GNAO1: variants seen among roughly 807,000 people sequenced by gnomAD.
GNAO1 encodes the protein guanine nucleotide-binding protein G(o) subunit alpha.
For synonymous variants in GNAO1, 164 were observed against 180.7 expected, an observed-to-expected ratio of 0.91 and a Z score of 0.74; for missense variants, 166 against 478.7, an observed-to-expected ratio of 0.35 and a Z score of 6.10.
intron 2 of GNAO1, among the ~76,000 whole-genome samples, chr16:56,207,536 CTTAA>C (rs1361270970): frequency 6.6e-6 from 1 of 152,198 alleles, no homozygotes; most frequent in Non-Finnish European, 1.5e-5. Flanking sequence ...TCAGAACATT[CTTAA>C]TTGTTATCAA....
chr16:56,347,906 C>T (rs368488621), intron 6 of GNAO1: 41 of 927,564 alleles, frequency 4.4e-5, no homozygotes, highest in East Asian at 1.2e-4. Context: ...TGGCTCTGCC[C>T]GCCGTCCCCC....
At chr16:56,292,974 G>C (rs774317126) in intron 3 of GNAO1, among the ~76,000 whole-genome samples, 1 of 152,186 alleles carries the variant, frequency 6.6e-6, no homozygotes, top group Non-Finnish European at 1.5e-5. Context: ...GCTGGGGGTT[G>C]CCCTGTCCCA....
chr16:56,195,696 C>T (rs1234512209), intron 2 of GNAO1, among the ~76,000 whole-genome samples: 1 of 152,224 alleles, frequency 6.6e-6, no homozygotes, highest in African/African-American at 2.4e-5. Flanking sequence ...CCTGTGATAA[C>T]CCAGTGATTT....
chr16:56,255,981 A>T (rs372303249), intron 2 of GNAO1, among the ~76,000 whole-genome samples: 3 of 152,188 alleles, frequency 2.0e-5, no homozygotes, highest in East Asian at 1.9e-4. Flanking sequence ...TGTAGGGCTC[A>T]TGTGATGTTC....
chr16:56,272,897 C>G (rs1227317923), intron 2 of GNAO1, among the ~76,000 whole-genome samples: 1 of 152,170 alleles, frequency 6.6e-6, no homozygotes, highest in Non-Finnish European at 1.5e-5. Flanking sequence ...AAACTCAATG[C>G]ACTGGCTTCT....
chr16:56,206,298 C>T (rs1456178699), intron 2 of GNAO1, among the ~76,000 whole-genome samples: 9 of 138,320 alleles, frequency 6.5e-5, no homozygotes, highest in Admixed American at 5.5e-4. Flanking sequence ...CCAGCCTGGG[C>T]GACAGCGTGA....
chr16:56,321,908 A>G (rs1428510945), intron 3 of GNAO1, among the ~76,000 whole-genome samples: 1 of 152,240 alleles, frequency 6.6e-6, no homozygotes, highest in Non-Finnish European at 1.5e-5. Context: ...CATTCAGGCT[A>G]CCATAGCAGA....
chr16:56,332,143 G>A (rs750550424), intron 4 of GNAO1, among the ~76,000 whole-genome samples: 3 of 152,158 alleles, frequency 2.0e-5, no homozygotes. Context: ...TCTCATGGCA[G>A]CAACAGGGCC....
intron 2 of GNAO1, among the ~76,000 whole-genome samples, chr16:56,198,730 T>C (rs2036255567): frequency 2.6e-5 from 4 of 152,224 alleles, no homozygotes; most frequent in African/African-American, 9.6e-5. Context: ...ATGTTAGCTC[T>C]AGTTTTTATT....
At chr16:56,344,862 G>C (rs749926763) in intron 6 of GNAO1, 1 of 985,486 alleles carries the variant, frequency 1.0e-6, no homozygotes, top group African/African-American at 1.7e-5. Flanking sequence ...CTTTGGGCTG[G>C]GGATTCTGTG....
intron 3 of GNAO1, among the ~76,000 whole-genome samples, chr16:56,312,089 CT>C (rs1489704875): frequency 1.3e-5 from 2 of 152,250 alleles, no homozygotes; most frequent in Admixed American, 1.3e-4. Flanking sequence ...AGCTCTGCCC[CT>C]GGCTTGCTGA....
At chr16:56,202,671 A>G (rs2036291686) in intron 2 of GNAO1, among the ~76,000 whole-genome samples, 1 of 152,218 alleles carries the variant, frequency 6.6e-6, no homozygotes, top group Admixed American at 6.5e-5. Flanking sequence ...GAGAAATTCT[A>G]GGGCATAATG....
chr16:56,275,454 G>T (rs1159914832), intron 2 of GNAO1, among the ~76,000 whole-genome samples: 1 of 152,172 alleles, frequency 6.6e-6, no homozygotes, highest in Non-Finnish European at 1.5e-5. Flanking sequence ...ATGGTTATTT[G>T]TTTGTCTTAA....
intron 3 of GNAO1, among the ~76,000 whole-genome samples, chr16:56,294,178 T>C (rs1322685833): frequency 6.6e-6 from 1 of 152,170 alleles, no homozygotes; most frequent in East Asian, 1.9e-4. Context: ...ATCCTGGCTC[T>C]GGCACTAACT....
chr16:56,262,778 C>CT (rs1340069451), intron 2 of GNAO1, among the ~76,000 whole-genome samples: 1 of 152,184 alleles, frequency 6.6e-6, no homozygotes, highest in Non-Finnish European at 1.5e-5. Flanking sequence ...AGAAATGTTA[C>CT]TTAGATCTAG....
chr16:56,266,983 T>C (rs2036960230), intron 2 of GNAO1, among the ~76,000 whole-genome samples: 2 of 152,186 alleles, frequency 1.3e-5, no homozygotes, highest in African/African-American at 4.8e-5. Flanking sequence ...TCGTGTGCCC[T>C]CTGGACCACT....
chr16:56,309,692 G>A (rs1301413626), intron 3 of GNAO1, among the ~76,000 whole-genome samples: 3 of 152,178 alleles, frequency 2.0e-5, no homozygotes, highest in Non-Finnish European at 4.4e-5. Flanking sequence ...GGGAGGTGAA[G>A]TGACCTGTTT....
chr16:56,345,529 C>A (rs2037857457), intron 6 of GNAO1: 1 of 984,658 alleles, frequency 1.0e-6, no homozygotes, highest in Non-Finnish European at 1.2e-6. Flanking sequence ...ACCCAGGAAC[C>A]TTCCCTAGTG....
At position 56,191,933 on chromosome 16, in the gene GNAO1, C is replaced by G. The variant is rs1260016065; in HGVS notation, c.-303C>G. The G allele has an allele frequency of 2.2e-6, 1 of 461,056 alleles. No individual in the cohort carries two copies. Among genetic ancestry groups the G allele is most frequent in the Admixed American group, 3.9e-5 (1 of 25,800 alleles). The allele number at this position is 461,056 out of a possible 1,614,324, so 28.6% of individuals were successfully genotyped here. On this transcript the variant is annotated 5_prime_UTR_variant, in exon 1 of 9. Transcript: ENST00000262493. This position sits in a 1 kb window ranked among gnomAD's most constrained non-coding sequence, Gnocchi z 4.7. ...GTGCACAAGCCTCAGTGCCTGCAGTCCGCGCCTCCTCGGCCCGCGGGCGCC... is the reference window on the plus strand; with the variant it reads ...GTGCACAAGCCTCAGTGCCTGCAGTGCGCGCCTCCTCGGCCCGCGGGCGCC...
Sources: allele counts gnomAD v4.1 joint callset (sites outside exome capture counted in the v4.1 genomes callset), GRCh38; gene constraint gnomAD v4.1.1; non-coding constraint Gnocchi (gnomAD v3.1); transcripts MANE v1.5; gene names NCBI Gene and HGNC (gene_info 2026-07-23, HGNC 2026-07-21).